Variants in PRKN observed in about 807,000 individuals in gnomAD.
The protein encoded by PRKN is E3 ubiquitin-protein ligase parkin.
Under a neutral mutation model 59.5 loss-of-function variants are expected in PRKN, and 56 were observed. That is an observed-to-expected ratio of 0.94 (90% confidence interval 0.76 to 1.18). PRKN has a LOEUF of 1.18. Among genes scored for constraint, PRKN ranks in the 50% most tolerant of loss-of-function variants. The pLI is 0.00. For missense variants in PRKN, 657 were observed against 596.4 expected (o/e 1.10, Z -1.06); for synonymous variants, 250 against 222.1 (o/e 1.13, Z -1.12).
At chr6:162,044,596 C>T (rs1461486024) in intron 5 of PRKN, among the ~76,000 whole-genome samples, 2 of 152,224 alleles carry the variant, frequency 1.3e-5, no homozygotes, top group African/African-American at 2.4e-5. Flanking sequence ...AGAGCTCCAT[C>T]AAAGCAGGGA....
rs1490260214 is a variant in PRKN at position 161,458,309 on chromosome 6, T to G, written c.1084-71432A>C. Among the ~76,000 whole-genome samples the G allele has an allele frequency of 2.6e-5, 4 of 152,174 alleles. No homozygotes were observed. Among genetic ancestry groups the G allele is most frequent in the Admixed American group, 2.0e-4 (3 of 15,268 alleles). ...TTGGAGAATATGATTGAAATTTTAA[T>G]TATTAAGTAGGGGGAATTGTGAAGC... On this transcript the variant is annotated intron_variant, in intron 9 of 11. Coordinates refer to ENST00000366898, the MANE Select transcript of PRKN (RefSeq NM_004562.3). The surrounding 1 kb of genome is among the most constrained non-coding windows in gnomAD (Gnocchi z 6.1).
At chr6:162,029,007 T>C (rs1302177606) in intron 5 of PRKN, among the ~76,000 whole-genome samples, 1 of 152,188 alleles carries the variant, frequency 6.6e-6, no homozygotes, top group African/African-American at 2.4e-5. Flanking sequence ...GAAATTCAGG[T>C]GGAACAAACA....
rs1039300228 is a variant in PRKN, at chr6:161,442,697, C to T, written c.1084-55820G>A. ...GAATTTAGCTGTTCCTTCGGGGCCC[C>T]GCTTACACACCAACACCCATGAATG... On this transcript the variant is annotated intron_variant, in intron 9 of 11. Transcript: ENST00000366898. This position sits in a 1 kb window ranked among gnomAD's most constrained non-coding sequence, Gnocchi z 4.6. 9.9e-5 allele frequency among the ~76,000 whole-genome samples: 15 copies of T among 152,178 alleles called. No homozygotes were observed. The highest frequency in any genetic ancestry group is 3.4e-4 in the African/African-American group (14 of 41,442).
rs530540403 is a variant in PRKN, at chr6:161,799,626, A to G, written c.735-13718T>C. Reference sequence around the variant, plus strand: ...AACAAAAATGTACTGCATGCCTACTATGGGCCAGGCACTTAGCATTCAGGA... The same window carrying G: ...AACAAAAATGTACTGCATGCCTACTGTGGGCCAGGCACTTAGCATTCAGGA... On this transcript the variant is annotated intron_variant, in intron 6 of 11. Coordinates refer to ENST00000366898, the MANE Select transcript of PRKN (RefSeq NM_004562.3). Among the ~76,000 whole-genome samples the G allele has an allele frequency of 2.6e-5, 4 of 152,306 alleles. No individual in the cohort carries two copies. The South Asian group carries it at 8.3e-4, about 32-fold the overall frequency.
At chr6:162,092,944 T>C (rs1012921429) in intron 4 of PRKN, among the ~76,000 whole-genome samples, 2 of 152,220 alleles carry the variant, frequency 1.3e-5, no homozygotes, top group African/African-American at 4.8e-5. Context: ...TTGATGTTAC[T>C]GATGTCTGCC....
intron 5 of PRKN, among the ~76,000 whole-genome samples, chr6:162,025,394 T>A (rs1354814426): frequency 6.6e-6 from 1 of 152,138 alleles, no homozygotes; most frequent in Non-Finnish European, 1.5e-5. Flanking sequence ...ACTTTTGTTT[T>A]CTTCCTTCCT....
Position 162,268,337 on chromosome 6 carries a change from G to C in PRKN, c.172-5572C>G, listed in dbSNP as rs146701813. On this transcript the variant is annotated intron_variant, in intron 2 of 11. Coordinates refer to ENST00000366898, the MANE Select transcript of PRKN (RefSeq NM_004562.3). ...TTAGTGCCCTTATAAGGCAGTGCAA[G>C]TGACTTTCTGTCCTTTTTGCCCTTT... is the stretch of plus-strand genomic sequence containing the variant. Among the ~76,000 whole-genome samples the C allele has an allele frequency of 3.1e-3, 478 of 152,306 alleles. 4 individuals carry two copies. The highest frequency in any genetic ancestry group is 0.011 in the African/African-American group (458 of 41,570).
At chr6:162,332,567 G>GA (rs1271993807) in intron 2 of PRKN, among the ~76,000 whole-genome samples, 1 of 152,048 alleles carries the variant, frequency 6.6e-6, no homozygotes, top group Non-Finnish European at 1.5e-5. Context: ...TGAAAAATTG[G>GA]AAAAAGGCAC....
At chr6:162,201,912 C>A (rs936647665) in intron 3 of PRKN, among the ~76,000 whole-genome samples, 3 of 152,152 alleles carry the variant, frequency 2.0e-5, no homozygotes, top group African/African-American at 7.2e-5. Flanking sequence ...GGTGAACAAA[C>A]AACTAATTCA....
chr6:161,352,731 G>GTGTA lies in PRKN; in HGVS notation c.1286-2521_1286-2520insTACA, dbSNP rs200047133. On this transcript the variant is annotated intron_variant, in intron 11 of 11. Transcript: ENST00000366898. The surrounding 1 kb of genome is among the most constrained non-coding windows in gnomAD (Gnocchi z 5.8). ...AAACACAAATATGTATGAAGAGTGTGTGTGTGTGTGTGTGTGTGTGTGTGT... is the reference window on the plus strand; with the variant it reads ...AAACACAAATATGTATGAAGAGTGTGTGTATGTGTGTGTGTGTGTGTGTGTGTGT... Among the ~76,000 whole-genome samples the GTGTA allele has an allele frequency of 1.5e-3, 201 of 137,214 alleles. 3 individuals carry two copies. In the South Asian group the frequency reaches 0.023, roughly 16 times the overall value. The allele number at this position is 137,214 out of a possible 152,430, so 90.0% of individuals were successfully genotyped here.
chr6:162,112,145 T>A (rs1204204264), intron 4 of PRKN, among the ~76,000 whole-genome samples: 1 of 152,244 alleles, frequency 6.6e-6, no homozygotes. Context: ...AACAGTTGAA[T>A]AGGGATGTGA....
rs1334493879 is a variant in PRKN, at chr6:161,460,519, G to A, written c.1084-73642C>T. On this transcript the variant is annotated intron_variant, in intron 9 of 11. Transcript: ENST00000366898. This position sits in a 1 kb window ranked among gnomAD's most constrained non-coding sequence, Gnocchi z 5.0. ...CTTCTCTGAACCCCCGTGATCACTTGGGTTTGGGGAAGGAGACATGCTGGT... is the reference window on the plus strand; with the variant it reads ...CTTCTCTGAACCCCCGTGATCACTTAGGTTTGGGGAAGGAGACATGCTGGT... 2.0e-5 allele frequency among the ~76,000 whole-genome samples: 3 copies of A among 152,086 alleles called. No homozygotes were observed. The highest frequency in any genetic ancestry group is 4.4e-5 in the Non-Finnish European group (3 of 68,018).
chr6:161,564,189 G>T (rs913711205), intron 8 of PRKN, among the ~76,000 whole-genome samples: 3 of 152,202 alleles, frequency 2.0e-5, no homozygotes, highest in African/African-American at 7.2e-5. Context: ...TGGGACAAGA[G>T]CTCTCTGCTT....
intron 1 of PRKN, among the ~76,000 whole-genome samples, chr6:162,642,485 C>A (rs1202919494): frequency 6.6e-6 from 1 of 152,004 alleles, no homozygotes; most frequent in African/African-American, 2.4e-5. Context: ...AGCTAACATT[C>A]TATAAAACAT....
chr6:162,497,922 C>A (rs901435618), intron 1 of PRKN, among the ~76,000 whole-genome samples: 3 of 152,008 alleles, frequency 2.0e-5, no homozygotes, highest in Non-Finnish European at 4.4e-5. Context: ...GTTCCCAACA[C>A]AAAGAAATTA....
rs1554261868 is a variant in PRKN at position 162,021,102 on chromosome 6, C to CAAAT, written c.618+32988_618+32989insATTT. Among the ~76,000 whole-genome samples the CAAAT allele has an allele frequency of 8.5e-5, 7 of 82,072 alleles. 1 individual carries two copies. The highest frequency in any genetic ancestry group is 1.2e-4 in the Non-Finnish European group (5 of 42,664). 53.8% of individuals were successfully genotyped at this position (82,072 alleles called of 152,430 possible). ...TGGGTGACAGAACGAGACTCTGTCT[C>CAAAT]AAAAAAAAAACAAAAACATATATAT... On this transcript the variant is annotated intron_variant, in intron 5 of 11. Transcript: ENST00000366898.
intron 6 of PRKN, among the ~76,000 whole-genome samples, chr6:161,815,344 T>C (rs1175158497): frequency 1.3e-5 from 2 of 152,228 alleles, no homozygotes; most frequent in African/African-American, 2.4e-5. Flanking sequence ...GTATACAAAG[T>C]TCAACCATCC....
chr6:161,949,173 G>A (rs1041267281), intron 6 of PRKN, among the ~76,000 whole-genome samples: 1 of 152,170 alleles, frequency 6.6e-6, no homozygotes, highest in Non-Finnish European at 1.5e-5. Flanking sequence ...AGAGCCACCA[G>A]AAGTATCTTC....
At chr6:162,102,948 C>T (rs542894116) in intron 4 of PRKN, among the ~76,000 whole-genome samples, 1 of 149,660 alleles carries the variant, frequency 6.7e-6, no homozygotes, top group Non-Finnish European at 1.5e-5. Context: ...GAGGCTGAGG[C>T]AGGAGAATGG....
Sources: allele counts gnomAD v4.1 joint callset (sites outside exome capture counted in the v4.1 genomes callset), GRCh38; gene constraint gnomAD v4.1.1; non-coding constraint Gnocchi (gnomAD v3.1); transcripts MANE v1.5; gene names NCBI Gene and HGNC (gene_info 2026-07-23, HGNC 2026-07-21).